The following GALNT17 variants were observed in gnomAD, a reference collection of about 807,000 sequenced individuals.
The protein encoded by GALNT17 is polypeptide N-acetylgalactosaminyltransferase 17, also known as UDP-GalNAc:polypeptide N-acetylgalactosaminyltransferase-like 3.
In GALNT17, 29 loss-of-function variants were observed where a neutral mutation model predicts 63.7. The observed-to-expected ratio is 0.46, with a 90% CI of 0.34 to 0.62. The LOEUF (loss-of-function observed/expected upper bound fraction) is 0.62, where lower values mean the gene tolerates loss of function less well. Ranked by LOEUF, GALNT17 falls within the 20% of genes least tolerant of loss-of-function variation. The pLI is 0.01. For missense variants in GALNT17, 603 were observed against 799.6 expected, an observed-to-expected ratio of 0.75 and a Z score of 2.97; for synonymous variants, 305 against 318.3, an observed-to-expected ratio of 0.96 and a Z score of 0.45.
chr7:71,584,912 G>C (rs1003426632), intron 6 of GALNT17, among the ~76,000 whole-genome samples: 1 of 151,978 alleles, frequency 6.6e-6, no homozygotes. Flanking sequence ...CCGCCACCAC[G>C]CCAAGCTAAT....
At chr7:71,659,694 C>T (rs1472677603) in intron 6 of GALNT17, among the ~76,000 whole-genome samples, 1 of 152,228 alleles carries the variant, frequency 6.6e-6, no homozygotes, top group Admixed American at 6.5e-5. Flanking sequence ...GAAATAGGTT[C>T]AGCCTTTTTA....
At chr7:71,621,549 G>T (rs71535686) in intron 6 of GALNT17, among the ~76,000 whole-genome samples, 5 of 135,808 alleles carry the variant, frequency 3.7e-5, no homozygotes, top group Admixed American at 7.4e-5. Context: ...ATGGATTGAT[G>T]GATAGATGGA....
chr7:71,551,090 T>TGTC (rs1217766233), intron 5 of GALNT17, among the ~76,000 whole-genome samples: 3 of 152,144 alleles, frequency 2.0e-5, no homozygotes, highest in Non-Finnish European at 4.4e-5. Context: ...CACAAACTGG[T>TGTC]GTCAGATCTT....
At chr7:71,161,610 T>C (rs968259071) in intron 1 of GALNT17, among the ~76,000 whole-genome samples, 1 of 152,216 alleles carries the variant, frequency 6.6e-6, no homozygotes, top group African/African-American at 2.4e-5. Context: ...ATTCAGTGTC[T>C]GAAAAAATAT....
chr7:71,618,895 C>G (rs1175131017), intron 6 of GALNT17, among the ~76,000 whole-genome samples: 3 of 152,090 alleles, frequency 2.0e-5, no homozygotes, highest in African/African-American at 7.2e-5. Flanking sequence ...AAGGCTGATG[C>G]TGAGAAGAGT....
At chr7:71,218,836 A>G (rs908806793) in intron 1 of GALNT17, among the ~76,000 whole-genome samples, 5 of 151,990 alleles carry the variant, frequency 3.3e-5, no homozygotes, top group Admixed American at 6.6e-5. Context: ...CATCACCCCC[A>G]GATGGGAGAC....
At chr7:71,151,340 G>A (rs1388390050) in intron 1 of GALNT17, among the ~76,000 whole-genome samples, 2 of 152,104 alleles carry the variant, frequency 1.3e-5, no homozygotes, top group Admixed American at 1.3e-4. Flanking sequence ...AAATAGCCTT[G>A]GCTGGGCGTG....
intron 1 of GALNT17, among the ~76,000 whole-genome samples, chr7:71,260,066 A>T (rs1277430505): frequency 2.6e-5 from 4 of 152,070 alleles, no homozygotes; most frequent in Admixed American, 2.6e-4. Context: ...TACAAAAAGG[A>T]GTTGCTTTGT....
intron 9 of GALNT17, among the ~76,000 whole-genome samples, chr7:71,681,170 G>A (rs1349900522): frequency 2.6e-5 from 4 of 152,154 alleles, no homozygotes; most frequent in East Asian, 1.9e-4. Flanking sequence ...CAGAGTGCTG[G>A]GATTACAGGC....
At position 71,704,138 on chromosome 7, in the gene GALNT17, G is replaced by A. The variant is rs577697456; in HGVS notation, c.1501-6623G>A. Among the ~76,000 whole-genome samples, 7 of 152,230 alleles carry A rather than the reference G, an allele frequency of 4.6e-5. No individual in the cohort carries two copies. The South Asian group carries it at 6.2e-4, about 14-fold the overall frequency. On this transcript the variant is annotated intron_variant, in intron 9 of 10. Coordinates refer to ENST00000333538, the MANE Select transcript of GALNT17 (RefSeq NM_022479.3). ...GTGAAAGCAAAGACCAAGGAGACCC[G>A]TAAAACCTGTAGTTCAGAGTGACCA...
At chr7:71,361,703 T>C (rs895818901) in intron 2 of GALNT17, among the ~76,000 whole-genome samples, 3 of 152,168 alleles carry the variant, frequency 2.0e-5, no homozygotes, top group Non-Finnish European at 4.4e-5. Context: ...AGATTGAATG[T>C]CTTCAGCTTC....
intron 1 of GALNT17, among the ~76,000 whole-genome samples, chr7:71,201,929 G>A (rs1789181681): frequency 6.6e-6 from 1 of 152,140 alleles, no homozygotes; most frequent in Non-Finnish European, 1.5e-5. Context: ...CACTGCGCCT[G>A]GCCTACTTTG....
At chr7:71,245,718 T>C (rs1359182495) in intron 1 of GALNT17, among the ~76,000 whole-genome samples, 1 of 152,100 alleles carries the variant, frequency 6.6e-6, no homozygotes, top group Admixed American at 6.5e-5. Flanking sequence ...AAATTAGTAT[T>C]TCAAATTAGC....
At chr7:71,530,557 T>C (rs955111329) in intron 5 of GALNT17, among the ~76,000 whole-genome samples, 3 of 148,432 alleles carry the variant, frequency 2.0e-5, no homozygotes, top group Admixed American at 6.7e-5. Context: ...TTTATTTATT[T>C]ATTTATTTAT....
chr7:71,458,845 G>A (rs535684688), intron 5 of GALNT17, among the ~76,000 whole-genome samples: 2 of 152,104 alleles, frequency 1.3e-5, no homozygotes, highest in Admixed American at 6.5e-5. Flanking sequence ...TCTTCTGTTC[G>A]TCTGCTCCGG....
chr7:71,678,094 A>G (rs765754717), intron 9 of GALNT17, among the ~76,000 whole-genome samples: 66 of 152,086 alleles, frequency 4.3e-4, no homozygotes, highest in Non-Finnish European at 7.6e-4. Context: ...TTTCCAGCAC[A>G]GCCAAGCATT....
chr7:71,354,468 G>A lies in GALNT17; in HGVS notation c.422+18735G>A, dbSNP rs763409590. ...TTCCAAACTCATTTCAGTTTTTTCA[G>A]TAACTATACCGAAAATCATCAATTT... is the stretch of plus-strand genomic sequence containing the variant. On this transcript the variant is annotated intron_variant, in intron 2 of 10. Transcript: ENST00000333538. 6.4e-4 allele frequency among the ~76,000 whole-genome samples: 97 copies of A among 152,164 alleles called. 1 individual carries two copies. The Middle Eastern group carries it at 0.014, about 21-fold the overall frequency.
At chr7:71,254,732 C>T (rs571427647) in intron 1 of GALNT17, among the ~76,000 whole-genome samples, 6 of 152,254 alleles carry the variant, frequency 3.9e-5, no homozygotes, top group Middle Eastern at 3.4e-3. Context: ...TTTTGATTTA[C>T]AGAGTGTACC....
intron 1 of GALNT17, among the ~76,000 whole-genome samples, chr7:71,189,315 A>C (rs895718080): frequency 3.3e-5 from 5 of 152,300 alleles, no homozygotes; most frequent in Non-Finnish European, 7.3e-5. Context: ...TTGTGAGTCC[A>C]TTAAACCTCT....
Sources: allele counts gnomAD v4.1 joint callset (sites outside exome capture counted in the v4.1 genomes callset), GRCh38; gene constraint gnomAD v4.1.1; transcripts MANE v1.5; gene names NCBI Gene and HGNC (gene_info 2026-07-23, HGNC 2026-07-21).